KIFAP3: variants seen among roughly 807,000 people sequenced by gnomAD.
KIFAP3 encodes kinesin associated protein 3, also known as kinesin-associated protein 3.
A neutral mutation model predicts 106.5 loss-of-function variants in KIFAP3; 68 were observed. The observed-to-expected ratio is 0.64, with a 90% confidence interval of 0.53 to 0.78. KIFAP3 has a LOEUF of 0.78. Among genes scored for constraint, KIFAP3 ranks in the 30% least tolerant of loss-of-function variants. The pLI, the probability that KIFAP3 is intolerant of heterozygous loss-of-function variation, is 0.00. For synonymous variants in KIFAP3, 320 were observed against 311.5 expected, an observed-to-expected ratio of 1.03 and a Z score of -0.29; for missense variants, 780 against 941.8, an observed-to-expected ratio of 0.83 and a Z score of 2.25.
At chr1:169,939,757 T>A (rs1009989545) in intron 19 of KIFAP3, among the ~76,000 whole-genome samples, 5 of 151,762 alleles carry the variant, frequency 3.3e-5, no homozygotes, top group African/African-American at 9.7e-5. Flanking sequence ...AAATGGGGTA[T>A]CTTGAGAGCT....
At chr1:170,054,264 A>C (rs1466012004) in intron 2 of KIFAP3, among the ~76,000 whole-genome samples, 1 of 152,254 alleles carries the variant, frequency 6.6e-6, no homozygotes, top group Non-Finnish European at 1.5e-5. Context: ...ATCGGTCATT[A>C]GAAAAATGCA....
chr1:169,996,292 T>C (rs890322120), intron 10 of KIFAP3, among the ~76,000 whole-genome samples: 2 of 152,144 alleles, frequency 1.3e-5, no homozygotes, highest in South Asian at 4.1e-4. Context: ...CAATTTCCTA[T>C]AATATTCATC....
At chr1:170,010,444 T>C (rs1316636902) in intron 10 of KIFAP3, among the ~76,000 whole-genome samples, 1 of 152,000 alleles carries the variant, frequency 6.6e-6, no homozygotes, top group Non-Finnish European at 1.5e-5. Flanking sequence ...ATTAAAATAA[T>C]TTTTGGTTCT....
intron 19 of KIFAP3, among the ~76,000 whole-genome samples, chr1:169,935,241 A>G (rs1160942346): frequency 6.6e-6 from 1 of 152,034 alleles, no homozygotes; most frequent in African/African-American, 2.4e-5. Context: ...TATAAATTTG[A>G]AAAGATGTAA....
intron 10 of KIFAP3, among the ~76,000 whole-genome samples, chr1:170,002,674 CT>C (rs1667723364): frequency 6.6e-6 from 1 of 152,164 alleles, no homozygotes; most frequent in African/African-American, 2.4e-5. Context: ...CAGGGTGGCT[CT>C]GCTGATTAAA....
chr1:169,932,579 A>G (rs1663550885), intron 19 of KIFAP3, among the ~76,000 whole-genome samples: 1 of 152,072 alleles, frequency 6.6e-6, no homozygotes, highest in South Asian at 2.1e-4. Flanking sequence ...AGTCTGACAT[A>G]TGAACAAAAA....
At chr1:170,082,425 T>TA (rs1021117830) in intron 1 of KIFAP3, among the ~76,000 whole-genome samples, 2 of 152,210 alleles carry the variant, frequency 1.3e-5, no homozygotes, top group African/African-American at 4.8e-5. Flanking sequence ...GTGCTAGTGA[T>TA]AGAGGGTGGA....
intron 1 of KIFAP3, among the ~76,000 whole-genome samples, chr1:170,057,247 G>T (rs1032418836): frequency 3.3e-5 from 5 of 151,988 alleles, no homozygotes; most frequent in Non-Finnish European, 7.4e-5. Flanking sequence ...TCACATATTG[G>T]CAGCTGGGGG....
chr1:170,037,426 G>A (rs1669744861), intron 5 of KIFAP3, among the ~76,000 whole-genome samples: 4 of 152,074 alleles, frequency 2.6e-5, no homozygotes, highest in Admixed American at 2.0e-4. Context: ...AGAAAACTAT[G>A]CATTTAAAAT....
At chr1:170,027,141 T>C (rs1669158147) in intron 8 of KIFAP3, among the ~76,000 whole-genome samples, 1 of 150,224 alleles carries the variant, frequency 6.7e-6, no homozygotes, top group Admixed American at 6.7e-5. Flanking sequence ...TGCCTCAGCC[T>C]CCTGAGTAGC....
intron 19 of KIFAP3, among the ~76,000 whole-genome samples, chr1:169,942,287 TG>T (rs1319157247): frequency 3.3e-5 from 5 of 152,172 alleles, no homozygotes; most frequent in Non-Finnish European, 5.9e-5. Context: ...AAAAAAGGCT[TG>T]GTCTTTAAAA....
intron 15 of KIFAP3, among the ~76,000 whole-genome samples, chr1:169,981,693 T>C (rs145538073): frequency 2.8e-3 from 426 of 152,298 alleles, no homozygotes; most frequent in Non-Finnish European, 5.3e-3. Context: ...GTGACTACTA[T>C]ATTGGTTGTT....
At chr1:170,039,323 G>C (rs557105072) in intron 3 of KIFAP3, 35 bp from the exon 4 acceptor site, 2 of 1,195,952 alleles carry the variant, frequency 1.7e-6, no homozygotes, top group Non-Finnish European at 2.4e-6. Flanking sequence ...AGGAGACTTA[G>C]GTTTTTAGGG....
At chr1:170,045,183 A>G (rs1392353220) in intron 3 of KIFAP3, among the ~76,000 whole-genome samples, 5 of 152,166 alleles carry the variant, frequency 3.3e-5, no homozygotes, top group Non-Finnish European at 7.4e-5. Context: ...GAGCCAATAA[A>G]AGCACCTCGG....
rs16862933 is a variant in KIFAP3, at chr1:170,016,655, A to C, written c.1021-31T>G. On this transcript the variant is annotated intron_variant, in intron 9 of 19. Transcript: ENST00000361580. ...TAAAATAATAATACAAATACAGTGA[A>C]GTTCTGTTGCAAAATAGGACAAAAA... 2.2e-6 allele frequency: 3 copies of C among 1,373,842 alleles called. No individual in the cohort carries two copies. In the African/African-American group the frequency reaches 4.5e-5, roughly 21 times the overall value. The allele number at this position is 1,373,842 out of a possible 1,614,324, so 85.1% of individuals were successfully genotyped here.
intron 1 of KIFAP3, among the ~76,000 whole-genome samples, chr1:170,062,364 C>T (rs906792599): frequency 6.6e-6 from 1 of 151,466 alleles, no homozygotes; most frequent in Non-Finnish European, 1.5e-5. Context: ...TTACAAAACT[C>T]TTTTTGTGTT....
chr1:169,964,276 T>C (rs1571570373), intron 17 of KIFAP3, among the ~76,000 whole-genome samples: 1 of 152,260 alleles, frequency 6.6e-6, no homozygotes, highest in East Asian at 1.9e-4. Context: ...GTGCCATAAT[T>C]ATCAACATCT....
At chr1:170,069,541 T>C (rs536216452) in intron 1 of KIFAP3, among the ~76,000 whole-genome samples, 1 of 152,018 alleles carries the variant, frequency 6.6e-6, no homozygotes, top group East Asian at 1.9e-4. Context: ...ATACACCACA[T>C]TAATGGAATG....
At chr1:169,995,917 TTG>T (rs201222364) in intron 10 of KIFAP3, among the ~76,000 whole-genome samples, 15 of 150,820 alleles carry the variant, frequency 9.9e-5, no homozygotes, top group South Asian at 2.1e-4. Context: ...TACATATAGC[TTG>T]TGTGTGTGTG....
Sources: gnomAD v4.1 joint callset for allele counts (sites outside exome capture counted in the v4.1 genomes callset) on GRCh38, gnomAD v4.1.1 for gene constraint, MANE v1.5 for transcripts, NCBI Gene and HGNC (gene_info 2026-07-23, HGNC 2026-07-21) for gene names.